Variants in SRL observed in about 807,000 individuals in gnomAD.
The protein encoded by SRL is sarcalumenin.
SRL carries 23 observed loss-of-function variants against 39.5 expected under a neutral mutation model. That is an observed-to-expected ratio of 0.58 (90% CI 0.42 to 0.82). The LOEUF is 0.82. Ranked by LOEUF, SRL falls within the 40% of genes least tolerant of loss-of-function variation. The pLI, the probability that SRL is intolerant of heterozygous loss-of-function variation, is 0.00. For missense variants in SRL, 592 were observed against 607.8 expected (o/e 0.97, Z 0.27); for synonymous variants, 272 against 237.4 (o/e 1.15, Z -1.34).
intron 1 of SRL, chr16:4,207,708 C>A (rs1422536463): frequency 2.4e-6 from 1 of 413,444 alleles, no homozygotes; most frequent in African/African-American, 2.1e-5. Flanking sequence ...CTCTCCTTGT[C>A]CCTCTCCAGA....
chr16:4,193,073 C>T (rs571329167), intron 5 of SRL, 109 bp from the exon 6 acceptor site: 253 of 967,848 alleles, frequency 2.6e-4, no homozygotes, highest in Middle Eastern at 8.2e-4. Context: ...AACAGCGCTA[C>T]GGATTTTCTG....
intron 3 of SRL, among the ~76,000 whole-genome samples, chr16:4,198,932 T>C (rs1168691138): frequency 6.6e-6 from 1 of 152,180 alleles, no homozygotes. Flanking sequence ...TAGAATGCTC[T>C]CGTGCTTTCA....
intron 1 of SRL, chr16:4,207,529 G>A: frequency 2.2e-6 from 1 of 456,448 alleles, no homozygotes; most frequent in Non-Finnish European, 4.4e-6. Context: ...CCCTCTGAGT[G>A]AGGAGAGGCC....
At chr16:4,235,720 A>T (rs1458882537) in intron 1 of SRL, among the ~76,000 whole-genome samples, 13 of 152,192 alleles carry the variant, frequency 8.5e-5, no homozygotes, top group Admixed American at 3.9e-4. Flanking sequence ...AATAAAAATT[A>T]AAAAAAGAGA....
chr16:4,239,991 C>T (rs187410149), intron 1 of SRL, among the ~76,000 whole-genome samples: 5 of 152,248 alleles, frequency 3.3e-5, no homozygotes, highest in African/African-American at 1.2e-4. Context: ...GCACGGGCGA[C>T]GGGTGGTTGG....
At chr16:4,208,002 A>C (rs565942850) in intron 1 of SRL, 232 of 456,740 alleles carry the variant, frequency 5.1e-4, no homozygotes, top group African/African-American at 4.5e-3. Context: ...GTCTGCATAA[A>C]GCGCCCTTTC....
intron 1 of SRL, among the ~76,000 whole-genome samples, chr16:4,217,523 A>T (rs541803261): frequency 2.0e-5 from 3 of 152,248 alleles, no homozygotes; most frequent in South Asian, 2.1e-4. Flanking sequence ...AAGTGCTGGG[A>T]TTACAGGCGT....
In SRL at chr16:4,207,671, C is replaced by T. The variant is rs930677585; in HGVS notation, c.62-3037G>A. 8 of 427,548 alleles carry T rather than the reference C, an allele frequency of 1.9e-5. 1 individual carries two copies. The highest frequency in any genetic ancestry group is 5.2e-5 in the Admixed American group (2 of 38,368). 26.5% of individuals were successfully genotyped at this position (427,548 alleles called of 1,614,324 possible). A position where few individuals can be genotyped will look rare whatever the true frequency, so the allele number is the denominator to read the frequency against. On this transcript the variant is annotated intron_variant, in intron 1 of 5. Coordinates refer to ENST00000399609, the MANE Select transcript of SRL (RefSeq NM_001098814.2). ...CTGCCTCTCCACTGGCAGTTCCCTCCGTGGGGAGCCCAAACCCAGTCTCCT... is the reference window on the plus strand; with the variant it reads ...CTGCCTCTCCACTGGCAGTTCCCTCTGTGGGGAGCCCAAACCCAGTCTCCT...
chr16:4,216,063 A>C (rs540823527), intron 1 of SRL, among the ~76,000 whole-genome samples: 1 of 151,956 alleles, frequency 6.6e-6, no homozygotes, highest in Admixed American at 6.6e-5. Context: ...AGACTTCAGC[A>C]CAATTGTTTT....
intron 1 of SRL, among the ~76,000 whole-genome samples, chr16:4,216,936 T>G (rs757743461): frequency 7.9e-5 from 12 of 152,186 alleles, no homozygotes; most frequent in Non-Finnish European, 1.5e-4. Context: ...AAAGACTTAC[T>G]GGAAGCCAAG....
intron 1 of SRL, among the ~76,000 whole-genome samples, chr16:4,218,854 G>A (rs989689139): frequency 6.6e-6 from 1 of 152,264 alleles, no homozygotes; most frequent in African/African-American, 2.4e-5. Context: ...CTCTGGCAGA[G>A]CTAGGGCAGC....
chr16:4,210,689 G>T (rs1012239545), intron 1 of SRL, among the ~76,000 whole-genome samples: 1 of 151,976 alleles, frequency 6.6e-6, no homozygotes, highest in African/African-American at 2.4e-5. Flanking sequence ...CACCATGTTG[G>T]CTAGGCTGGT....
In SRL at chr16:4,192,598, A is replaced by G; in HGVS notation, c.977T>C (p.Leu326Pro). 2 of 1,614,180 alleles carry G rather than the reference A, an allele frequency of 1.2e-6. No individual in the cohort carries two copies. Among genetic ancestry groups the G allele is most frequent in the Non-Finnish European group, 8.5e-7 (1 of 1,180,030 alleles). Residue 326 changes from leucine to proline, a missense_variant, in exon 6 of 6, where the codon CTG (leucine) becomes CCG (proline). Leu to Pro is a moderately conservative substitution (Grantham distance 98). Transcript: ENST00000399609. The surrounding 1 kb of genome is among the most constrained non-coding windows in gnomAD (Gnocchi z 4.0). ...EDLNQVIENRLENKIAFIRQH... is the reference protein window; with the variant it reads ...EDLNQVIENRPENKIAFIRQH... ...GCGGATGAAGGCAATCTTGTTCTCC[A>G]GTCTGTTCTCGATCACCTGATTCAG...
At chr16:4,204,401 C>CTAGATACAGCCCCGGCCTCT in intron 2 of SRL, 132 bp downstream of exon 2, 1 of 794,598 alleles carries the variant, frequency 1.3e-6, no homozygotes, top group Non-Finnish European at 2.0e-6. Flanking sequence ...CTCCAGCCTC[C>CTAGATACAGCCCCGGCCTCT]AAGATAGATA....
intron 2 of SRL, 132 bp downstream of exon 2, chr16:4,204,401 C>G: frequency 1.3e-6 from 1 of 794,600 alleles, no homozygotes; most frequent in South Asian, 1.6e-5. Context: ...CTCCAGCCTC[C>G]AAGATAGATA....
At chr16:4,231,451 A>G (rs540549313) in intron 1 of SRL, among the ~76,000 whole-genome samples, 3 of 152,178 alleles carry the variant, frequency 2.0e-5, no homozygotes, top group Non-Finnish European at 4.4e-5. Flanking sequence ...ACACTGAGCC[A>G]ATCGTTTTCA....
At position 4,213,404 on chromosome 16, in the gene SRL, CTTTTTTTTTTTT is replaced by C. The variant is rs1176583909; in HGVS notation, c.62-8782_62-8771del. 8.6e-5 allele frequency among the ~76,000 whole-genome samples: 6 copies of C among 69,582 alleles called. No individual in the cohort carries two copies. In the East Asian group the frequency reaches 1.5e-3, roughly 18 times the overall value. The allele number at this position is 69,582 out of a possible 152,430, so 45.6% of individuals were successfully genotyped here. A position where few individuals can be genotyped will look rare whatever the true frequency, so the allele number is the denominator to read the frequency against. ...CATCTTTTTTTTTCTTTTTCTTTTT[CTTTTTTTTTTTT>C]TTTTTTTTTTTTTTGAGACAGGTCT... On this transcript the variant is annotated intron_variant, in intron 1 of 5. Coordinates refer to ENST00000399609, the MANE Select transcript of SRL (RefSeq NM_001098814.2).
At chr16:4,206,909 TTCCCTGGCTTCCTGGGGC>T (rs1029248877) in intron 1 of SRL, 15 of 456,096 alleles carry the variant, frequency 3.3e-5, no homozygotes, top group East Asian at 2.1e-4. Context: ...CTTCCTGGGG[TTCCCTGGCTTCCTGGGGC>T]TCCCTGGCTT....
chr16:4,206,511 A>C (rs531752614), intron 1 of SRL, among the ~76,000 whole-genome samples: 2 of 152,178 alleles, frequency 1.3e-5, no homozygotes, highest in East Asian at 3.9e-4. Flanking sequence ...CCTGACTCGG[A>C]AGTACCAGGG....
Sources: allele counts gnomAD v4.1 joint callset (sites outside exome capture counted in the v4.1 genomes callset), GRCh38; gene constraint gnomAD v4.1.1; non-coding constraint Gnocchi (gnomAD v3.1); transcripts MANE v1.5; gene names NCBI Gene and HGNC (gene_info 2026-07-23, HGNC 2026-07-21).